Variants in INSYN2B observed in about 807,000 individuals in gnomAD.
INSYN2B encodes protein INSYN2B.
INSYN2B carries 16 observed loss-of-function variants against 41.2 expected under a neutral mutation model. The observed-to-expected ratio is 0.39, with a 90% confidence interval of 0.26 to 0.59. INSYN2B has a LOEUF of 0.59. Ranked by LOEUF, INSYN2B falls within the 20% of genes least tolerant of loss-of-function variation. The pLI is 0.57. For missense variants in INSYN2B, 608 were observed against 646.4 expected (o/e 0.94, Z 0.64); for synonymous variants, 245 against 244.4 (o/e 1.00, Z -0.02).
intron 2 of INSYN2B, among the ~76,000 whole-genome samples, chr5:169,882,250 A>G (rs1289718873): frequency 1.3e-5 from 2 of 152,206 alleles, no homozygotes; most frequent in African/African-American, 4.8e-5. Flanking sequence ...ATGTATCAAT[A>G]GAACCCTCAT....
chr5:169,947,391 G>A (rs914105166), intron 1 of INSYN2B, among the ~76,000 whole-genome samples: 9 of 152,192 alleles, frequency 5.9e-5, no homozygotes, highest in Admixed American at 1.3e-4. Context: ...CCAGGCACTG[G>A]GCTGCATGCT....
intron 1 of INSYN2B, among the ~76,000 whole-genome samples, chr5:169,909,441 T>A (rs916989252): frequency 2.6e-5 from 4 of 152,148 alleles, no homozygotes; most frequent in African/African-American, 9.7e-5. Context: ...AAATCTAAGT[T>A]TTTTCTTTTT....
At chr5:169,898,757 G>A (rs1015889443) in intron 1 of INSYN2B, among the ~76,000 whole-genome samples, 33 of 152,094 alleles carry the variant, frequency 2.2e-4, no homozygotes, top group Admixed American at 6.5e-5. Flanking sequence ...AAGCACACAT[G>A]GGCAATATGT....
chr5:169,866,533 T>C lies in INSYN2B; in HGVS notation c.1422-2074A>G, dbSNP rs111230996. ...CAGTCAGTCACTCGACAAACATTTA[T>C]TGAGCATCTTCTTTGTGGCAGGCCC... On this transcript the variant is annotated intron_variant, in intron 3 of 3. Coordinates refer to ENST00000377365, the MANE Select transcript of INSYN2B (RefSeq NM_001129891.3). Among the ~76,000 whole-genome samples, 50 of 152,328 alleles carry C rather than the reference T, an allele frequency of 3.3e-4. 1 individual carries two copies. Among genetic ancestry groups the C allele is most frequent in the African/African-American group, 1.2e-3 (48 of 41,568 alleles).
intron 1 of INSYN2B, among the ~76,000 whole-genome samples, chr5:169,950,028 C>T (rs527354366): frequency 6.6e-6 from 1 of 152,308 alleles, no homozygotes; most frequent in East Asian, 1.9e-4. Context: ...GAGGGGATCA[C>T]AGATGCTTCC....
At chr5:169,909,289 T>A (rs1430604596) in intron 1 of INSYN2B, among the ~76,000 whole-genome samples, 1 of 152,224 alleles carries the variant, frequency 6.6e-6, no homozygotes, top group Non-Finnish European at 1.5e-5. Flanking sequence ...AATAGCCCAG[T>A]GTTGCTGGTG....
intron 3 of INSYN2B, among the ~76,000 whole-genome samples, chr5:169,872,697 C>T (rs951373657): frequency 9.9e-5 from 15 of 152,160 alleles, no homozygotes; most frequent in South Asian, 2.1e-4. Context: ...AGATCATCTC[C>T]GAGAAAGTTA....
chr5:169,970,031 G>A (rs1348088824), intron 1 of INSYN2B, among the ~76,000 whole-genome samples: 5 of 152,232 alleles, frequency 3.3e-5, no homozygotes, highest in African/African-American at 1.2e-4. Flanking sequence ...CTGCCTTTTT[G>A]AGGATCTCTG....
In INSYN2B at chr5:169,862,011, G is replaced by A. The variant is rs766877938; in HGVS notation, c.*2262C>T. On this transcript the variant is annotated 3_prime_UTR_variant, in exon 4 of 4. Coordinates refer to ENST00000377365, the MANE Select transcript of INSYN2B (RefSeq NM_001129891.3). ...CCAGTTTTATTTAATTCAGTTAAGG[G>A]TTCATGTGAGGGCCTCAACTGGAAA... Among the ~76,000 whole-genome samples, 2 of 151,708 alleles carry A rather than the reference G, an allele frequency of 1.3e-5. No homozygotes were observed. Among genetic ancestry groups the A allele is most frequent in the Non-Finnish European group, 2.9e-5 (2 of 67,958 alleles).
At chr5:169,968,508 G>A (rs1458437909) in intron 1 of INSYN2B, among the ~76,000 whole-genome samples, 2 of 152,152 alleles carry the variant, frequency 1.3e-5, no homozygotes, top group Non-Finnish European at 2.9e-5. Flanking sequence ...AAGAAACATT[G>A]GGGGGTCAAT....
chr5:169,889,056 A>G (rs55849268), intron 1 of INSYN2B, among the ~76,000 whole-genome samples: 5,323 of 152,254 alleles, frequency 0.035, 185 homozygotes, highest in African/African-American at 0.089. Context: ...GACATGTGGT[A>G]ATGGTCTACT....
chr5:169,925,494 C>T (rs975951237), intron 1 of INSYN2B, among the ~76,000 whole-genome samples: 3 of 147,376 alleles, frequency 2.0e-5, no homozygotes, highest in Non-Finnish European at 3.0e-5. Flanking sequence ...GCAGAAGAAT[C>T]GCTTGAACCC....
At chr5:169,979,442 T>A (rs1166241985) in intron 1 of INSYN2B, among the ~76,000 whole-genome samples, 1 of 152,206 alleles carries the variant, frequency 6.6e-6, no homozygotes, top group African/African-American at 2.4e-5. Context: ...AAGCAAAATG[T>A]TATTCCATGA....
chr5:169,952,843 AAGATGGAC>A (rs1776716796), intron 1 of INSYN2B, among the ~76,000 whole-genome samples: 1 of 152,198 alleles, frequency 6.6e-6, no homozygotes, highest in Non-Finnish European at 1.5e-5. Flanking sequence ...AATGAATGGA[AAGATGGAC>A]AGATACCTAG....
intron 1 of INSYN2B, among the ~76,000 whole-genome samples, chr5:169,919,104 T>A (rs1434139402): frequency 6.6e-6 from 1 of 152,198 alleles, no homozygotes; most frequent in Admixed American, 6.5e-5. Flanking sequence ...ACTATGATCT[T>A]TGATTGCTTG....
intron 1 of INSYN2B, among the ~76,000 whole-genome samples, chr5:169,924,650 C>G (rs765029858): frequency 6.6e-5 from 10 of 152,196 alleles, no homozygotes; most frequent in Non-Finnish European, 1.2e-4. Flanking sequence ...GCAACCCCAT[C>G]CTGCTTAAAA....
intron 3 of INSYN2B, among the ~76,000 whole-genome samples, chr5:169,865,878 C>T (rs1429663651): frequency 1.3e-5 from 2 of 152,236 alleles, no homozygotes; most frequent in Non-Finnish European, 2.9e-5. Context: ...TCTGCCCTTG[C>T]TTACTCTCCC....
At chr5:169,961,974 G>C (rs1777103507) in intron 1 of INSYN2B, among the ~76,000 whole-genome samples, 1 of 12,876 alleles carries the variant, frequency 7.8e-5, no homozygotes, top group African/African-American at 3.0e-3. Flanking sequence ...GTGAGACTCT[G>C]TCCCAAAAAA....
At chr5:169,911,782 G>A (rs1165235054) in intron 1 of INSYN2B, among the ~76,000 whole-genome samples, 1 of 152,094 alleles carries the variant, frequency 6.6e-6, no homozygotes, top group Non-Finnish European at 1.5e-5. Context: ...TGGCATATTG[G>A]GTCACCAAGT....
Sources: gnomAD v4.1 joint callset for allele counts (sites outside exome capture counted in the v4.1 genomes callset) on GRCh38, gnomAD v4.1.1 for gene constraint, MANE v1.5 for transcripts, NCBI Gene and HGNC (gene_info 2026-07-23, HGNC 2026-07-21) for gene names.